Variants in KIF21A observed in about 807,000 individuals in gnomAD.
The protein encoded by KIF21A is kinesin family member 21A.
A neutral mutation model predicts 202.9 loss-of-function variants in KIF21A; 114 were observed. The observed-to-expected ratio is 0.56, with a 90% CI of 0.48 to 0.66. The LOEUF (loss-of-function observed/expected upper bound fraction) is 0.66. KIF21A is among the 30% of genes least tolerant of loss of function. The pLI is 0.00. For synonymous variants in KIF21A, 667 were observed against 670.8 expected (o/e 0.99, Z 0.09); for missense variants, 1,677 against 1,994.9 (o/e 0.84, Z 3.04).
chr12:39,436,438 ATATATATATATT>A (rs1938729057), intron 1 of KIF21A, among the ~76,000 whole-genome samples: 2 of 121,828 alleles, frequency 1.6e-5, no homozygotes, highest in African/African-American at 7.1e-5. Context: ...ATATATATAT[ATATATATATATT>A]TTTTTTTTTT....
rs1424497663 is a variant in KIF21A at position 39,436,422 on chromosome 12, T to TTTTTTATATATA, written c.44+6504_44+6505insTATATATAAAAA. ...TCAATAATTATAAGGGTTTACTATA[T>TTTTTTATATATA]TATATATATATATATATATATATAT... On this transcript the variant is annotated intron_variant, in intron 1 of 37. Coordinates refer to ENST00000361418, the MANE Select transcript of KIF21A (RefSeq NM_001173464.2). Among the ~76,000 whole-genome samples the TTTTTTATATATA allele has an allele frequency of 5.6e-3, 553 of 99,078 alleles. 14 individuals are homozygous for TTTTTTATATATA. Among genetic ancestry groups the TTTTTTATATATA allele is most frequent in the African/African-American group, 0.023 (503 of 22,002 alleles). The allele number at this position is 99,078 out of a possible 152,430, so 65.0% of individuals were successfully genotyped here.
chr12:39,363,626 C>T (rs1012263323), intron 6 of KIF21A, among the ~76,000 whole-genome samples: 3 of 152,124 alleles, frequency 2.0e-5, no homozygotes, highest in Non-Finnish European at 2.9e-5. Context: ...CAATACAGTT[C>T]CCACGGGAAA....
At chr12:39,357,050 AAT>A (rs1174296356) in intron 9 of KIF21A, among the ~76,000 whole-genome samples, 155 bp from the exon 10 acceptor site, 1 of 152,254 alleles carries the variant, frequency 6.6e-6, no homozygotes. Context: ...ACCACAAGAT[AAT>A]ATGATTACAA....
At chr12:39,417,003 T>A (rs1953813567) in intron 1 of KIF21A, among the ~76,000 whole-genome samples, 1 of 151,696 alleles carries the variant, frequency 6.6e-6, no homozygotes, top group South Asian at 2.1e-4. Flanking sequence ...ATTAGTATCA[T>A]TCATTAACAG....
chr12:39,423,619 C>T (rs1411389839), intron 1 of KIF21A, among the ~76,000 whole-genome samples: 1 of 151,732 alleles, frequency 6.6e-6, no homozygotes, highest in Non-Finnish European at 1.5e-5. Context: ...GAGGCAGAGG[C>T]TAGTGGATCA....
At chr12:39,320,076 TAGTC>T in intron 27 of KIF21A, 63 bp from the exon 28 acceptor site, 1 of 903,962 alleles carries the variant, frequency 1.1e-6, no homozygotes. Context: ...CTTTGGTAGA[TAGTC>T]AATCTAAAAT....
At chr12:39,318,756 C>A (rs1592114555) in intron 28 of KIF21A, among the ~76,000 whole-genome samples, 4 of 152,088 alleles carry the variant, frequency 2.6e-5, no homozygotes, top group Admixed American at 2.0e-4. Flanking sequence ...CCGAGGCGGG[C>A]GGATCATGAG....
rs1019393284 is a variant in KIF21A at position 39,442,479 on chromosome 12, AGGCCG to A, written c.44+443_44+447del. ...CAGATGCTTTGTCTCCTGCCTGGGA[AGGCCG>A]GAGCTGCATGGACACGTATGACAGA... On this transcript the variant is annotated intron_variant, in intron 1 of 37. Coordinates refer to ENST00000361418, the MANE Select transcript of KIF21A (RefSeq NM_001173464.2). The surrounding 1 kb of genome is among the most constrained non-coding windows in gnomAD (Gnocchi z 5.0). Among the ~76,000 whole-genome samples, 1 of 152,106 alleles carries A rather than the reference AGGCCG, an allele frequency of 6.6e-6. No individual in the cohort carries two copies. Among genetic ancestry groups the A allele is most frequent in the Non-Finnish European group, 1.5e-5 (1 of 68,000 alleles).
intron 1 of KIF21A, among the ~76,000 whole-genome samples, chr12:39,437,674 T>A (rs959773815): frequency 3.9e-5 from 6 of 152,210 alleles, no homozygotes; most frequent in South Asian, 2.1e-4. Context: ...TGTGTGTTCA[T>A]TCCCACATAT....
intron 8 of KIF21A, among the ~76,000 whole-genome samples, chr12:39,357,892 G>A: frequency 9.9e-6 from 1 of 101,014 alleles, no homozygotes; most frequent in East Asian, 3.1e-4. Flanking sequence ...GTGGGTGATA[G>A]AGGGAGACTC....
chr12:39,326,752 T>C (rs2137931155), intron 24 of KIF21A, among the ~76,000 whole-genome samples: 2 of 152,370 alleles, frequency 1.3e-5, no homozygotes, highest in Middle Eastern at 6.8e-3. Context: ...ATAGTTGTTA[T>C]ACTTTATCAG....
chr12:39,331,851 G>C, intron 21 of KIF21A, 60 bp from the exon 22 acceptor site: 1 of 1,243,414 alleles, frequency 8.0e-7, no homozygotes, highest in Non-Finnish European at 1.2e-6. Context: ...GAAGGCAACA[G>C]CCTATTGTTT....
intron 32 of KIF21A, 77 bp from the exon 33 acceptor site, chr12:39,309,843 T>A: frequency 8.3e-7 from 1 of 1,210,832 alleles, no homozygotes; most frequent in Non-Finnish European, 1.2e-6. Flanking sequence ...AAAAATTATT[T>A]AAATAATTTC....
At chr12:39,352,016 T>C in intron 10 of KIF21A, 36 bp from the exon 11 acceptor site, 4 of 1,439,262 alleles carry the variant, frequency 2.8e-6, no homozygotes, top group Non-Finnish European at 3.9e-6. Context: ...AGGGAGCATT[T>C]TTCTCTGTGG....
intron 1 of KIF21A, among the ~76,000 whole-genome samples, chr12:39,417,798 T>C (rs769578869): frequency 6.6e-6 from 1 of 152,014 alleles, no homozygotes; most frequent in Non-Finnish European, 1.5e-5. Flanking sequence ...ATTATTAATA[T>C]AAAATACAGT....
intron 12 of KIF21A, among the ~76,000 whole-genome samples, chr12:39,345,928 A>T (rs1947849345): frequency 6.6e-6 from 1 of 152,028 alleles, no homozygotes; most frequent in Admixed American, 6.6e-5. Flanking sequence ...CAACCTTAAG[A>T]ATGTCTTATA....
chr12:39,372,031 T>TAA (rs57979417), intron 1 of KIF21A, among the ~76,000 whole-genome samples: 21 of 140,442 alleles, frequency 1.5e-4, no homozygotes, highest in African/African-American at 3.8e-4. Context: ...TTGTGAAATT[T>TAA]AAAAAAAAAA....
At chr12:39,349,200 C>A (rs1042154920) in intron 11 of KIF21A, among the ~76,000 whole-genome samples, 1 of 152,060 alleles carries the variant, frequency 6.6e-6, no homozygotes, top group Non-Finnish European at 1.5e-5. Flanking sequence ...AAAGAAGGTT[C>A]TTTCCCCTGT....
chr12:39,331,176 G>GATTT (rs774151083), intron 22 of KIF21A, among the ~76,000 whole-genome samples: 121 of 151,736 alleles, frequency 8.0e-4, no homozygotes, highest in Middle Eastern at 3.4e-3. Flanking sequence ...TAAGTGAGAT[G>GATTT]GCATAAGAAC....
Sources: gnomAD v4.1 joint callset for allele counts (sites outside exome capture counted in the v4.1 genomes callset) on GRCh38, gnomAD v4.1.1 for gene constraint, Gnocchi (gnomAD v3.1) non-coding constraint, MANE v1.5 for transcripts, NCBI Gene and HGNC (gene_info 2026-07-23, HGNC 2026-07-21) for gene names.